Variants in DMD observed in about 807,000 individuals in gnomAD.
The protein encoded by DMD is mutant dystrophin.
DMD carries 63 observed loss-of-function variants against 330.1 expected under a neutral mutation model. That is an observed-to-expected ratio of 0.19 (90% CI 0.16 to 0.24). The LOEUF (loss-of-function observed/expected upper bound fraction) is 0.24. DMD is among the 10% of genes least tolerant of loss of function. The probability of loss-of-function intolerance (pLI) is 1.00; values close to 1 mark genes in which losing one functional copy is unlikely to be tolerated. For missense variants in DMD, 3,344 were observed against 2,684.1 expected (o/e 1.25, Z -5.43); for synonymous variants, 1,223 against 959.8 (o/e 1.27, Z -5.07).
chrX:33,303,360 A>G (rs1376232940), intron 1 of DMD, among the ~76,000 whole-genome samples: 2 of 112,025 alleles, frequency 1.8e-5, no homozygotes, highest in East Asian at 5.6e-4. Flanking sequence ...AAAATCTTCT[A>G]AGATTAAAAT....
chrX:31,679,233 T>A (rs1427082361), intron 53 of DMD, 142 bp downstream of exon 53: 1 of 571,738 alleles, frequency 1.7e-6, no homozygotes, highest in Non-Finnish European at 2.7e-6. Flanking sequence ...AAAATAAATA[T>A]ACAAAGTCTA....
At chrX:32,264,393 T>C (rs966732793) in intron 43 of DMD, among the ~76,000 whole-genome samples, 79 of 111,654 alleles carry the variant, frequency 7.1e-4, no homozygotes, top group Middle Eastern at 9.2e-3. Context: ...AACAGACTAA[T>C]ACAGTAAATT....
At position 33,285,262 on chromosome X, in the gene DMD, T is replaced by A. The variant is rs775308012; in HGVS notation, c.7+53997A>T. Among the ~76,000 whole-genome samples, 12 of 111,873 alleles carry A rather than the reference T, an allele frequency of 1.1e-4. No homozygotes were observed. The East Asian group carries it at 3.4e-3, about 31-fold the overall frequency. On this transcript the variant is annotated intron_variant, in intron 1 of 17. Transcript: ENST00000288447. ...AATGAACCAGTCATTATTCTTCTTATCTCTCTATTTAAATCATAGATTTCA... is the reference window on the plus strand; with the variant it reads ...AATGAACCAGTCATTATTCTTCTTAACTCTCTATTTAAATCATAGATTTCA...
At chrX:32,590,461 A>G in intron 13 of DMD, among the ~76,000 whole-genome samples, 1 of 111,701 alleles carries the variant, frequency 9.0e-6, no homozygotes, top group Non-Finnish European at 1.9e-5. Flanking sequence ...GTAGCCAAAG[A>G]AGGCTGACAT....
intron 51 of DMD, among the ~76,000 whole-genome samples, chrX:31,757,651 T>C (rs2089226494): frequency 1.8e-5 from 2 of 110,792 alleles, no homozygotes; most frequent in South Asian, 7.7e-4. Context: ...GAGCCGCTTT[T>C]ATAAGGGCAC....
chrX:32,482,310 C>A (rs228404), intron 21 of DMD, among the ~76,000 whole-genome samples: 2 of 109,734 alleles, frequency 1.8e-5, no homozygotes, highest in Non-Finnish European at 3.8e-5. Context: ...ATTCCACCCC[C>A]TCATCCTCCC....
intron 43 of DMD, among the ~76,000 whole-genome samples, chrX:32,281,716 G>A (rs1036874377): frequency 1.8e-5 from 2 of 111,666 alleles, no homozygotes; most frequent in Admixed American, 1.9e-4. Context: ...ACAACACTGT[G>A]TTCATATTTT....
At chrX:32,205,010 T>C (rs59685916) in intron 44 of DMD, among the ~76,000 whole-genome samples, 4,423 of 52,097 alleles carry the variant, frequency 0.085, 105 homozygotes, top group East Asian at 0.16. Context: ...CTCTCTCACA[T>C]ACACACACAC....
Position 32,481,216 on chromosome X carries a change from A to G in DMD, c.2803+3703T>C, listed in dbSNP as rs902222970. ...TTATTTTCTTTCAATTCTGGCAAGA[A>G]TATCTTCTGTGCTACACCTCCCCAG... On this transcript the variant is annotated intron_variant, in intron 21 of 78. Transcript: ENST00000357033. Among the ~76,000 whole-genome samples the G allele has an allele frequency of 3.6e-5, 4 of 110,775 alleles. No individual in the cohort carries two copies. In the East Asian group the frequency reaches 8.6e-4, roughly 24 times the overall value.
At chrX:33,000,956 T>C (rs1367038215) in intron 2 of DMD, among the ~76,000 whole-genome samples, 2 of 111,546 alleles carry the variant, frequency 1.8e-5, no homozygotes, top group African/African-American at 3.3e-5. Context: ...TTAATTATTC[T>C]ATATTTTTTA....
At chrX:33,053,580 A>G (rs750269791) in intron 1 of DMD, among the ~76,000 whole-genome samples, 1 of 110,585 alleles carries the variant, frequency 9.0e-6, no homozygotes, top group Non-Finnish European at 1.9e-5. Flanking sequence ...TGGGTGACAG[A>G]GCAAGACTCC....
chrX:31,177,947 CAGA>C lies in DMD; in HGVS notation c.10244_10246del (p.Phe3415del). ...AAGTACTCACGCAGAATCTACTGGC[CAGA>C]AGTTGATCAGAGTAACGGGACTGCA... On this transcript the variant is annotated inframe_deletion, in exon 71 of 79. Coordinates refer to ENST00000357033, the MANE Select transcript of DMD (RefSeq NM_004006.3). 1 of 1,207,990 alleles carries C rather than the reference CAGA, an allele frequency of 8.3e-7. No individual in the cohort carries two copies. The highest frequency in any genetic ancestry group is 1.8e-5 in the South Asian group (1 of 56,300).
chrX:31,195,091 C>A lies in DMD; in HGVS notation c.9807+8870G>T, dbSNP rs1268238590. 9.8e-5 allele frequency among the ~76,000 whole-genome samples: 11 copies of A among 112,074 alleles called. No homozygotes were observed. The Admixed American group carries it at 1.0e-3, about 11-fold the overall frequency. On this transcript the variant is annotated intron_variant, in intron 67 of 78. Transcript: ENST00000357033. The stretch of plus-strand genomic sequence containing the variant: ...GAAGTAAAAGGCTTCCCATAACTAC[C>A]ATCTTGGGTAGAAATCAAGTATTTT...
chrX:31,842,863 T>C lies in DMD; in HGVS notation c.7099-6044A>G, dbSNP rs1370366432. Among the ~76,000 whole-genome samples, 34 of 111,438 alleles carry C rather than the reference T, an allele frequency of 3.1e-4. 1 individual carries two copies. The Admixed American group carries it at 3.3e-3, about 11-fold the overall frequency. ...TATCTAATAGTTAGTTTTTCAACTC[T>C]TGCCCCTTCCTTATCTCTTCCCCTA... On this transcript the variant is annotated intron_variant, in intron 48 of 78. Coordinates refer to ENST00000357033, the MANE Select transcript of DMD (RefSeq NM_004006.3).
chrX:31,887,673 T>A (rs2094175505), intron 47 of DMD, among the ~76,000 whole-genome samples: 2 of 112,113 alleles, frequency 1.8e-5, no homozygotes, highest in Non-Finnish European at 3.8e-5. Flanking sequence ...TAATAAACTC[T>A]AGCATTAATT....
chrX:32,867,354 TTTAG>T (rs1292311641), intron 2 of DMD, among the ~76,000 whole-genome samples: 37 of 112,076 alleles, frequency 3.3e-4, no homozygotes, highest in African/African-American at 1.0e-3. Flanking sequence ...AACTGTCACC[TTTAG>T]TTAGTGTTTC....
At chrX:31,897,811 T>C (rs1235820644) in intron 47 of DMD, among the ~76,000 whole-genome samples, 2 of 108,880 alleles carry the variant, frequency 1.8e-5, no homozygotes, top group African/African-American at 6.7e-5. Flanking sequence ...TCATTGTAGA[T>C]TCTGGATATT....
At chrX:32,579,491 G>T (rs754000908) in intron 13 of DMD, among the ~76,000 whole-genome samples, 5 of 111,937 alleles carry the variant, frequency 4.5e-5, no homozygotes, top group South Asian at 7.4e-4. Flanking sequence ...GTTCATAATG[G>T]TATTCATTCA....
At chrX:32,119,076 A>G (rs1417792471) in intron 44 of DMD, among the ~76,000 whole-genome samples, 3 of 110,874 alleles carry the variant, frequency 2.7e-5, no homozygotes, top group Non-Finnish European at 3.8e-5. Context: ...CCCTTGCTCT[A>G]TAGTGTTAAA....
Sources: allele counts gnomAD v4.1 joint callset (sites outside exome capture counted in the v4.1 genomes callset), GRCh38; gene constraint gnomAD v4.1.1; transcripts MANE v1.5; gene names NCBI Gene and HGNC (gene_info 2026-07-23, HGNC 2026-07-21).